UACA: variants seen among roughly 807,000 people sequenced by gnomAD.
UACA encodes nuclear membrane binding protein.
UACA carries 112 observed loss-of-function variants against 160.5 expected under a neutral mutation model. The ratio of observed to expected loss-of-function variants is 0.70; its 90% CI spans 0.60 to 0.82. UACA has a LOEUF of 0.82. UACA is among the 40% of genes least tolerant of loss of function. The pLI is 0.00. For synonymous variants in UACA, 557 were observed against 568.4 expected, an observed-to-expected ratio of 0.98 and a Z score of 0.29; for missense variants, 1,574 against 1,614.6, an observed-to-expected ratio of 0.97 and a Z score of 0.43.
At chr15:70,762,231 T>A (rs189288929) in intron 1 of UACA, among the ~76,000 whole-genome samples, 1 of 76,848 alleles carries the variant, frequency 1.3e-5, no homozygotes, top group Admixed American at 1.7e-4. Context: ...ATCCTCGATA[T>A]AGGTGGAGAG....
chr15:70,662,162 G>C (rs150720940), intron 17 of UACA, among the ~76,000 whole-genome samples: 300 of 152,312 alleles, frequency 2.0e-3, no homozygotes, highest in African/African-American at 6.8e-3. Flanking sequence ...CTTGAGCAAA[G>C]TCTCAGGGTA....
upstream of UACA, among the ~76,000 whole-genome samples, chr15:70,767,273 AAACAAC>A (rs1380797517): frequency 8.1e-6 from 1 of 123,058 alleles, no homozygotes; most frequent in African/African-American, 3.8e-5. Flanking sequence ...ACAAAAACAA[AAACAAC>A]AACAATAAAA....
At chr15:70,692,210 C>A (rs539920737) in intron 3 of UACA, among the ~76,000 whole-genome samples, 1 of 152,272 alleles carries the variant, frequency 6.6e-6, no homozygotes, top group Non-Finnish European at 1.5e-5. Context: ...CTCTGTCACG[C>A]AGGCTAGTGT....
intron 1 of UACA, among the ~76,000 whole-genome samples, chr15:70,703,797 A>T (rs1898447561): frequency 6.6e-6 from 1 of 151,976 alleles, no homozygotes. Context: ...GCCTGCTTTC[A>T]CACCTTCCTT....
chr15:70,703,675 T>C (rs1156742105), intron 1 of UACA, among the ~76,000 whole-genome samples: 1 of 152,116 alleles, frequency 6.6e-6, no homozygotes, highest in Non-Finnish European at 1.5e-5. Context: ...AACAAATAAC[T>C]AAAGCCATAT....
intron 9 of UACA, among the ~76,000 whole-genome samples, chr15:70,680,401 AACT>A (rs957473642): frequency 1.8e-4 from 28 of 152,174 alleles, no homozygotes; most frequent in African/African-American, 6.8e-4. Context: ...TTAAAAAAAA[AACT>A]ACTGCTTTAA....
chr15:70,714,000 T>C (rs1430363476), intron 1 of UACA, among the ~76,000 whole-genome samples: 1 of 152,134 alleles, frequency 6.6e-6, no homozygotes, highest in Non-Finnish European at 1.5e-5. Flanking sequence ...ATATATATCC[T>C]AAATAAAACT....
intron 10 of UACA, 120 bp from the exon 11 acceptor site, chr15:70,678,326 C>A: frequency 1.8e-6 from 1 of 546,344 alleles, no homozygotes. Context: ...ACACTAAGTA[C>A]AAAAGATACA....
intron 1 of UACA, among the ~76,000 whole-genome samples, chr15:70,714,135 C>CT (rs1421916707): frequency 6.6e-6 from 1 of 152,142 alleles, no homozygotes. Context: ...TTCAAAACAG[C>CT]AGACAGCAAA....
intron 14 of UACA, 178 bp downstream of exon 14, chr15:70,671,787 G>T (rs1595876381): frequency 5.0e-6 from 2 of 397,500 alleles, no homozygotes; most frequent in African/African-American, 4.1e-5. Flanking sequence ...GTAATTATCA[G>T]AATATGTTAG....
chr15:70,656,226 T>G lies in UACA; in HGVS notation c.*830A>C, dbSNP rs1896470353. On this transcript the variant is annotated 3_prime_UTR_variant, in exon 19 of 19. Coordinates refer to ENST00000322954, the MANE Select transcript of UACA (RefSeq NM_018003.4). Reference sequence around the variant, plus strand: ...ATTTGGAGGATGCATATATAATGAGTGCTTGGTTACTATAGTAGCGAATGT... The same window carrying G: ...ATTTGGAGGATGCATATATAATGAGGGCTTGGTTACTATAGTAGCGAATGT... 1 of 152,132 alleles carries G rather than the reference T, an allele frequency of 6.6e-6. No individual in the cohort carries two copies. Among genetic ancestry groups the G allele is most frequent in the Admixed American group, 6.5e-5 (1 of 15,284 alleles). The allele number at this position is 152,132 out of a possible 1,614,324, so 9.4% of individuals were successfully genotyped here. A position where few individuals can be genotyped will look rare whatever the true frequency, so the allele number is the denominator to read the frequency against.
At chr15:70,659,302 C>T (rs1896594650) in intron 18 of UACA, among the ~76,000 whole-genome samples, 1 of 133,346 alleles carries the variant, frequency 7.5e-6, no homozygotes, top group African/African-American at 2.8e-5. Context: ...AAGTATCTTT[C>T]TTTTTATTAT....
At chr15:70,687,876 G>C in intron 5 of UACA, 56 bp from the exon 6 acceptor site, 1 of 1,549,068 alleles carries the variant, frequency 6.5e-7, no homozygotes, top group Non-Finnish European at 8.9e-7. Context: ...AAGACACATA[G>C]TGTTTTTCTA....
At chr15:70,674,962 C>A (rs1019123022) in intron 13 of UACA, among the ~76,000 whole-genome samples, 3 of 152,098 alleles carry the variant, frequency 2.0e-5, no homozygotes, top group Admixed American at 6.6e-5. Context: ...ATAAATAGTA[C>A]CGAAATTATA....
intron 1 of UACA, among the ~76,000 whole-genome samples, chr15:70,760,784 C>T (rs1329116248): frequency 4.9e-5 from 7 of 142,892 alleles, no homozygotes; most frequent in African/African-American, 1.8e-4. Flanking sequence ...TCCAGCCTGG[C>T]GACCGAGCGA....
chr15:70,772,697 A>G, the UACA span, among the ~76,000 whole-genome samples: 1 of 152,184 alleles, frequency 6.6e-6, no homozygotes, highest in Non-Finnish European at 1.5e-5. Context: ...TTTGGAAGTT[A>G]TGGCCAAATA....
rs1361850591 is a variant in UACA, at chr15:70,659,406, T to G, written c.4179+745A>C. 7.3e-3 allele frequency among the ~76,000 whole-genome samples: 895 copies of G among 122,904 alleles called. 15 individuals carry two copies. The highest frequency in any genetic ancestry group is 0.028 in the African/African-American group (870 of 30,716). The allele number at this position is 122,904 out of a possible 152,430, so 80.6% of individuals were successfully genotyped here. On this transcript the variant is annotated intron_variant, in intron 18 of 18. Transcript: ENST00000322954. ...TTCATTTTTTGTTTGTTTTTTTTTT[T>G]TTTTTTTTTTTTTTTTGCTTGTTTT...
At chr15:70,721,499 A>C (rs1898991532) in intron 1 of UACA, among the ~76,000 whole-genome samples, 1 of 151,838 alleles carries the variant, frequency 6.6e-6, no homozygotes, top group African/African-American at 2.4e-5. Flanking sequence ...TGGTGGCGGG[A>C]GCCTGTAGTT....
chr15:70,658,817 T>C (rs1019785532), intron 18 of UACA, among the ~76,000 whole-genome samples: 1 of 152,226 alleles, frequency 6.6e-6, no homozygotes, highest in Non-Finnish European at 1.5e-5. Context: ...GCAGGATGTT[T>C]ACATTTCAAA....
Sources: allele counts gnomAD v4.1 joint callset (sites outside exome capture counted in the v4.1 genomes callset), GRCh38; gene constraint gnomAD v4.1.1; transcripts MANE v1.5; gene names NCBI Gene and HGNC (gene_info 2026-07-23, HGNC 2026-07-21).